The following CCDC85A variants were observed in gnomAD, a reference collection of about 807,000 sequenced individuals.
The protein encoded by CCDC85A is coiled-coil domain containing 85A.
CCDC85A carries 38 observed loss-of-function variants against 50.2 expected under a neutral mutation model. The observed-to-expected ratio is 0.76, with a 90% CI of 0.58 to 0.99. The LOEUF is 0.99. CCDC85A is among the 50% of genes least tolerant of loss of function. CCDC85A has a pLI of 0.00. For synonymous variants in CCDC85A, 366 were observed against 301.4 expected, an observed-to-expected ratio of 1.21 and a Z score of -2.22; for missense variants, 820 against 742.0, an observed-to-expected ratio of 1.11 and a Z score of -1.22.
chr2:56,274,317 T>G (rs1183457048), intron 2 of CCDC85A, among the ~76,000 whole-genome samples: 2 of 152,154 alleles, frequency 1.3e-5, no homozygotes, highest in African/African-American at 4.8e-5. Flanking sequence ...ATATATATAG[T>G]GAGAGAGTTT....
chr2:56,199,569 C>CT (rs879847964), intron 2 of CCDC85A, among the ~76,000 whole-genome samples: 20 of 148,798 alleles, frequency 1.3e-4, no homozygotes, highest in Middle Eastern at 3.5e-3. Context: ...TATGAGTATT[C>CT]TTTTTTTTTT....
At chr2:56,286,119 G>A (rs564554981) in intron 2 of CCDC85A, among the ~76,000 whole-genome samples, 10 of 151,700 alleles carry the variant, frequency 6.6e-5, no homozygotes, top group South Asian at 2.1e-4. Context: ...ATTAATGTAC[G>A]CATCTTTCTC....
chr2:56,216,317 G>T (rs1677391302), intron 2 of CCDC85A, among the ~76,000 whole-genome samples: 1 of 151,646 alleles, frequency 6.6e-6, no homozygotes, highest in East Asian at 1.9e-4. Flanking sequence ...GGATATTCCA[G>T]ATTACATTCT....
At chr2:56,218,144 C>G (rs1668163475) in intron 2 of CCDC85A, among the ~76,000 whole-genome samples, 1 of 151,796 alleles carries the variant, frequency 6.6e-6, no homozygotes, top group Admixed American at 6.6e-5. Context: ...TGAAAATGCT[C>G]TTAAGTAATT....
At chr2:56,215,908 A>T (rs567140782) in intron 2 of CCDC85A, among the ~76,000 whole-genome samples, 13 of 152,052 alleles carry the variant, frequency 8.5e-5, no homozygotes, top group Middle Eastern at 3.4e-3. Flanking sequence ...ATAATATTTT[A>T]TGACAAGAAA....
intron 2 of CCDC85A, among the ~76,000 whole-genome samples, chr2:56,334,626 G>A (rs752782041): frequency 1.3e-5 from 2 of 151,758 alleles, no homozygotes; most frequent in Non-Finnish European, 2.9e-5. Context: ...AGAGAGCTTT[G>A]CAATATCTCA....
intron 2 of CCDC85A, among the ~76,000 whole-genome samples, chr2:56,206,176 A>G (rs1316089829): frequency 6.6e-6 from 1 of 152,200 alleles, no homozygotes; most frequent in African/African-American, 2.4e-5. Flanking sequence ...ATACAATCCA[A>G]GAATGTTTTC....
At chr2:56,329,633 T>G (rs1418175120) in intron 2 of CCDC85A, among the ~76,000 whole-genome samples, 1 of 152,180 alleles carries the variant, frequency 6.6e-6, no homozygotes, top group Non-Finnish European at 1.5e-5. Context: ...AAGGAACATT[T>G]CTCGATTGTT....
In CCDC85A at chr2:56,274,385, C is replaced by G. The variant is rs548408817; in HGVS notation, c.1241-68494C>G. On this transcript the variant is annotated intron_variant, in intron 2 of 5. Transcript: ENST00000407595. ...GTTTGAAATTTTTAGGGCTGGCTGGCAGGCCATACATTTAAGCAACAGTTA... is the reference window on the plus strand; with the variant it reads ...GTTTGAAATTTTTAGGGCTGGCTGGGAGGCCATACATTTAAGCAACAGTTA... 1.5e-4 allele frequency among the ~76,000 whole-genome samples: 23 copies of G among 152,244 alleles called. No individual in the cohort carries two copies. In the South Asian group the frequency reaches 4.8e-3, roughly 32 times the overall value.
Position 56,372,458 on chromosome 2 carries a change from C to T in CCDC85A, c.1432C>T (p.Arg478Ter), listed in dbSNP as rs533730078. 2 of 1,608,206 alleles carry T rather than the reference C, an allele frequency of 1.2e-6. No individual in the cohort carries two copies. The highest frequency in any genetic ancestry group is 1.7e-6 in the Non-Finnish European group (2 of 1,177,028). ...QWWQGCRGIG[R>*]CLPTLPGSFR... ...GTGGCAAGGGTGCCGAGGAATAGGA[C>T]GATGCCTGCCTACTCTCCCGGTGAG... The change falls in exon 4 of 6, where the codon CGA (arginine) becomes TGA (stop). Residue 478 changes from arginine (R) to a stop codon, truncating the protein, a stop_gained. Coordinates refer to ENST00000407595, the MANE Select transcript of CCDC85A (RefSeq NM_001080433.2). LOFTEE classifies it high-confidence loss of function.
intron 2 of CCDC85A, among the ~76,000 whole-genome samples, chr2:56,329,342 A>T (rs1673640971): frequency 6.6e-6 from 1 of 152,070 alleles, no homozygotes; most frequent in Admixed American, 6.6e-5. Flanking sequence ...TTATTTATGT[A>T]CCTGTTTTCC....
intron 2 of CCDC85A, among the ~76,000 whole-genome samples, chr2:56,216,737 C>T (rs1353065531): frequency 1.4e-5 from 2 of 140,998 alleles, no homozygotes; most frequent in Admixed American, 1.4e-4. Context: ...TTATTTTTAT[C>T]TTTTTTTTTT....
intron 2 of CCDC85A, 21 bp downstream of exon 2, chr2:56,193,461 G>C (rs768817902): frequency 6.4e-7 from 1 of 1,568,890 alleles, no homozygotes; most frequent in Non-Finnish European, 8.6e-7. Flanking sequence ...ATGTGCTGGG[G>C]TGCTGCTTGG....
intron 2 of CCDC85A, among the ~76,000 whole-genome samples, chr2:56,341,236 G>T (rs974861967): frequency 6.6e-6 from 1 of 152,140 alleles, no homozygotes; most frequent in Non-Finnish European, 1.5e-5. Context: ...TAGTACACAC[G>T]CTTGAGACCA....
chr2:56,222,853 T>C (rs1558591870), intron 2 of CCDC85A, among the ~76,000 whole-genome samples: 1 of 152,168 alleles, frequency 6.6e-6, no homozygotes, highest in East Asian at 1.9e-4. Flanking sequence ...CTATCTCTAC[T>C]CAAAATCATT....
intron 2 of CCDC85A, among the ~76,000 whole-genome samples, chr2:56,269,223 C>T (rs1319665815): frequency 2.0e-5 from 3 of 152,110 alleles, no homozygotes; most frequent in African/African-American, 7.2e-5. Flanking sequence ...CTTACCTTAC[C>T]TGGGACACAT....
chr2:56,206,346 T>A (rs1042565522), intron 2 of CCDC85A, among the ~76,000 whole-genome samples: 1 of 152,196 alleles, frequency 6.6e-6, no homozygotes, highest in Non-Finnish European at 1.5e-5. Context: ...TATTTTAAAA[T>A]TTCTTTTCAA....
chr2:56,297,672 A>G (rs1253186383), intron 2 of CCDC85A, among the ~76,000 whole-genome samples: 1 of 152,220 alleles, frequency 6.6e-6, no homozygotes, highest in Admixed American at 6.6e-5. Context: ...TAAGGTCAGT[A>G]AAGTTTAATA....
chr2:56,374,764 G>C, intron 4 of CCDC85A, among the ~76,000 whole-genome samples: 1 of 152,338 alleles, frequency 6.6e-6, no homozygotes, highest in South Asian at 2.1e-4. Context: ...AACAATGATC[G>C]TGCCACTGCA....
Sources: gnomAD v4.1 joint callset for allele counts (sites outside exome capture counted in the v4.1 genomes callset) on GRCh38, gnomAD v4.1.1 for gene constraint, MANE v1.5 for transcripts, NCBI Gene and HGNC (gene_info 2026-07-23, HGNC 2026-07-21) for gene names.